The following RPF2 variants were observed in gnomAD, a reference collection of about 807,000 sequenced individuals.
RPF2 encodes the protein ribosome production factor 2 homolog, also known as brix domain containing 1.
Under a neutral mutation model 38.9 loss-of-function variants are expected in RPF2, and 21 were observed. The ratio of observed to expected loss-of-function variants is 0.54; its 90% CI spans 0.38 to 0.78. The LOEUF (loss-of-function observed/expected upper bound fraction) is 0.78, where lower values mean the gene tolerates loss of function less well. Ranked by LOEUF, RPF2 falls within the 30% of genes least tolerant of loss-of-function variation. The pLI, the probability that RPF2 is intolerant of heterozygous loss-of-function variation, is 0.00. For missense variants in RPF2, 314 were observed against 358.1 expected, an observed-to-expected ratio of 0.88 and a Z score of 0.99; for synonymous variants, 121 against 126.2, an observed-to-expected ratio of 0.96 and a Z score of 0.28.
chr6:111,016,444 A>G (rs1772109973), intron 8 of RPF2, among the ~76,000 whole-genome samples: 1 of 152,076 alleles, frequency 6.6e-6, no homozygotes, highest in Non-Finnish European at 1.5e-5. Context: ...AAAAACCAGA[A>G]AAATTAGCCC....
chr6:111,025,005 G>A (rs1316641644), intron 9 of RPF2, among the ~76,000 whole-genome samples: 1 of 152,188 alleles, frequency 6.6e-6, no homozygotes, highest in African/African-American at 2.4e-5. Context: ...AGTTTTAAAA[G>A]ACAAGAAGAA....
intron 1 of RPF2, among the ~76,000 whole-genome samples, chr6:110,984,661 G>A (rs559223573): frequency 3.9e-5 from 6 of 152,092 alleles, no homozygotes; most frequent in Admixed American, 2.0e-4. Flanking sequence ...CCAACATGGC[G>A]AAACCCTGTC....
At chr6:111,016,396 C>T (rs147758793) in intron 8 of RPF2, among the ~76,000 whole-genome samples, 46 of 152,166 alleles carry the variant, frequency 3.0e-4, no homozygotes, top group Middle Eastern at 3.4e-3. Context: ...AGTTCAAAAC[C>T]AGCCTGGCCA....
At chr6:110,986,503 C>T (rs1258186779) in intron 2 of RPF2, among the ~76,000 whole-genome samples, 3 of 152,242 alleles carry the variant, frequency 2.0e-5, no homozygotes, top group South Asian at 4.1e-4. Flanking sequence ...ATGTATCAAG[C>T]GGAGCAGGTT....
intron 3 of RPF2, 146 bp downstream of exon 3, chr6:110,989,211 G>T: frequency 4.5e-6 from 4 of 887,406 alleles, no homozygotes; most frequent in South Asian, 2.7e-5. Context: ...TCTTTCTTTT[G>T]GTCTGTTTTT....
intron 6 of RPF2, among the ~76,000 whole-genome samples, chr6:111,000,333 G>C (rs1771792818): frequency 6.6e-6 from 1 of 152,128 alleles, no homozygotes; most frequent in South Asian, 2.1e-4. Flanking sequence ...GCCTAGGCTG[G>C]TCTCAAATTC....
At chr6:111,002,989 C>T (rs917371523) in intron 6 of RPF2, among the ~76,000 whole-genome samples, 2 of 151,812 alleles carry the variant, frequency 1.3e-5, no homozygotes, top group Admixed American at 6.6e-5. Context: ...TCTTGAACCC[C>T]GACCTCAGGT....
intron 2 of RPF2, among the ~76,000 whole-genome samples, chr6:110,986,228 C>A (rs1482032185): frequency 2.0e-4 from 31 of 152,108 alleles, no homozygotes. Flanking sequence ...TCTGAAAGCT[C>A]CGTGTAATCA....
chr6:111,011,276 TTTTCTTTCTTTCTTTC>T (rs71553323), intron 7 of RPF2, among the ~76,000 whole-genome samples: 1,808 of 133,638 alleles, frequency 0.014, 25 homozygotes, highest in Middle Eastern at 0.046. Flanking sequence ...TCAAGGGTAT[TTTTCTTTCTTTCTTTC>T]TTTCTTTCTT....
Position 110,982,079 on chromosome 6 carries a change from TGG to T in RPF2, c.-27_-26del. 1 of 1,613,950 alleles carries T rather than the reference TGG, an allele frequency of 6.2e-7. No homozygotes were observed. Among genetic ancestry groups the T allele is most frequent in the African/African-American group, 1.3e-5 (1 of 75,050 alleles). ...TCGCCGAGGGCACGTGCATGCCCCC[TGG>T]TTAAGAGTTGCAGGTAGCGGTAGCG... On this transcript the variant is annotated 5_prime_UTR_variant, in exon 1 of 10. An upstream open reading frame in the 5' UTR loses its in-frame stop. Coordinates refer to ENST00000441448, the MANE Select transcript of RPF2 (RefSeq NM_032194.3).
chr6:111,009,181 G>A (rs1212032637), intron 7 of RPF2, among the ~76,000 whole-genome samples: 2 of 151,996 alleles, frequency 1.3e-5, no homozygotes, highest in African/African-American at 2.4e-5. Flanking sequence ...TCAGCCTCCC[G>A]AGTAGCTGGG....
intron 9 of RPF2, among the ~76,000 whole-genome samples, chr6:111,024,835 C>T (rs1772296081): frequency 6.6e-6 from 1 of 151,986 alleles, no homozygotes; most frequent in South Asian, 2.1e-4. Context: ...AAAAGAGTTG[C>T]AAAACCCAGA....
At chr6:111,023,754 G>A (rs924267657) in intron 8 of RPF2, among the ~76,000 whole-genome samples, 8 of 152,118 alleles carry the variant, frequency 5.3e-5, no homozygotes, top group African/African-American at 1.9e-4. Flanking sequence ...TTGGGAGGCC[G>A]AGGCAGGAGG....
Position 110,999,805 on chromosome 6 carries a change from A to G in RPF2, c.393+18A>G, listed in dbSNP as rs757799133. 2 of 1,367,666 alleles carry G rather than the reference A, an allele frequency of 1.5e-6. No homozygotes were observed. Among genetic ancestry groups the G allele is most frequent in the East Asian group, 2.3e-5 (1 of 43,716 alleles). 84.7% of individuals were successfully genotyped at this position (1,367,666 alleles called of 1,614,324 possible). A position where few individuals can be genotyped will look rare whatever the true frequency, so the allele number is the denominator to read the frequency against. On this transcript the variant is annotated intron_variant, in intron 6 of 9. Transcript: ENST00000441448. ...ACATTAAGGTAAGATACTCATAGAA[A>G]TGAAAAGTATTTTGTAATGCTTCTC...
At chr6:110,995,888 A>G (rs1771702751) in intron 4 of RPF2, among the ~76,000 whole-genome samples, 1 of 151,980 alleles carries the variant, frequency 6.6e-6, no homozygotes, top group Non-Finnish European at 1.5e-5. Flanking sequence ...GGCTCACTGC[A>G]TGTAGCCTTG....
At chr6:110,992,236 G>C (rs1376186085) in intron 4 of RPF2, among the ~76,000 whole-genome samples, 1 of 152,074 alleles carries the variant, frequency 6.6e-6, no homozygotes, top group East Asian at 1.9e-4. Context: ...CTTGACCCCG[G>C]GAGGCAGAGG....
At chr6:110,989,212 G>T (rs1440973610) in intron 3 of RPF2, 147 bp downstream of exon 3, 3 of 888,854 alleles carry the variant, frequency 3.4e-6, no homozygotes, top group Non-Finnish European at 4.6e-6. Context: ...CTTTCTTTTG[G>T]TCTGTTTTTT....
chr6:111,014,378 C>T (rs532710909), intron 7 of RPF2, among the ~76,000 whole-genome samples: 14 of 152,186 alleles, frequency 9.2e-5, no homozygotes, highest in Middle Eastern at 3.4e-3. Context: ...ATGATCTGCT[C>T]GCCTCGGCCT....
chr6:111,018,213 G>A lies in RPF2; in HGVS notation c.596+2357G>A, dbSNP rs559648906. ...CAGGGGGAGACCGGGGAGGGGGAGG[G>A]GGAGGGAGAGGGAGAGGGAGAGGGA... is the stretch of plus-strand genomic sequence containing the variant. On this transcript the variant is annotated intron_variant, in intron 8 of 9. Coordinates refer to ENST00000441448, the MANE Select transcript of RPF2 (RefSeq NM_032194.3). 1.1e-4 allele frequency among the ~76,000 whole-genome samples: 16 copies of A among 151,890 alleles called. No homozygotes were observed. The East Asian group carries it at 2.7e-3, about 26-fold the overall frequency.
Sources: allele counts gnomAD v4.1 joint callset (sites outside exome capture counted in the v4.1 genomes callset), GRCh38; gene constraint gnomAD v4.1.1; transcripts MANE v1.5; gene names NCBI Gene and HGNC (gene_info 2026-07-23, HGNC 2026-07-21).